Variants in VPS8 observed in about 807,000 individuals in gnomAD.
VPS8 encodes the protein VPS8 subunit of CORVET complex.
A neutral mutation model predicts 216.4 loss-of-function variants in VPS8; 129 were observed. The ratio of observed to expected loss-of-function variants is 0.60; its 90% CI spans 0.52 to 0.69. The LOEUF (loss-of-function observed/expected upper bound fraction) is 0.69. VPS8 is among the 30% of genes least tolerant of loss of function. The probability of loss-of-function intolerance (pLI) is 0.00; values close to 1 mark genes in which losing one functional copy is unlikely to be tolerated. For synonymous variants in VPS8, 571 were observed against 565.4 expected (o/e 1.01, Z -0.14); for missense variants, 1,531 against 1,683.5 (o/e 0.91, Z 1.59).
intron 46 of VPS8, among the ~76,000 whole-genome samples, chr3:185,045,744 G>T (rs1712728723): frequency 1.2e-5 from 1 of 81,798 alleles, no homozygotes; most frequent in Non-Finnish European, 2.8e-5. Context: ...TCCAGCCTGG[G>T]TGACAGAGCA....
At chr3:184,909,417 G>T (rs1272645208) in intron 25 of VPS8, among the ~76,000 whole-genome samples, 1 of 152,148 alleles carries the variant, frequency 6.6e-6, no homozygotes, top group South Asian at 2.1e-4. Context: ...TCTGAGGTCT[G>T]TTTCTCTGGG....
intron 45 of VPS8, among the ~76,000 whole-genome samples, chr3:185,022,910 T>C (rs1756855773): frequency 6.6e-6 from 1 of 152,214 alleles, no homozygotes; most frequent in Non-Finnish European, 1.5e-5. Context: ...ACCTTTCTTA[T>C]TTTCCAATAT....
chr3:184,967,391 G>A (rs1016265171), intron 39 of VPS8, among the ~76,000 whole-genome samples: 5 of 152,098 alleles, frequency 3.3e-5, no homozygotes, highest in African/African-American at 2.4e-5. Context: ...CTAATTAGTA[G>A]GACATTGAAC....
intron 44 of VPS8, among the ~76,000 whole-genome samples, chr3:184,998,035 G>A (rs1455487737): frequency 6.6e-6 from 1 of 152,138 alleles, no homozygotes; most frequent in South Asian, 2.1e-4. Flanking sequence ...TTCTTGAGGA[G>A]TAGTGAGTGA....
At chr3:184,942,969 T>A (rs1743010189) in intron 36 of VPS8, among the ~76,000 whole-genome samples, 1 of 152,158 alleles carries the variant, frequency 6.6e-6, no homozygotes. Context: ...TTTCTTGCTT[T>A]GAGAGTGGTT....
chr3:184,831,889 G>T (rs1720065490), intron 3 of VPS8, among the ~76,000 whole-genome samples: 1 of 151,944 alleles, frequency 6.6e-6, no homozygotes, highest in South Asian at 2.1e-4. Context: ...TCTTCATACT[G>T]CCCCACCTAT....
chr3:184,868,486 G>A (rs1391951458), intron 18 of VPS8, among the ~76,000 whole-genome samples: 1 of 152,150 alleles, frequency 6.6e-6, no homozygotes, highest in African/African-American at 2.4e-5. Context: ...AATAAAGGCT[G>A]TCTCCTACCT....
chr3:184,931,767 A>AT (rs1740726198), intron 34 of VPS8, among the ~76,000 whole-genome samples: 1 of 152,054 alleles, frequency 6.6e-6, no homozygotes, highest in Admixed American at 6.6e-5. Context: ...TCATTCTCTG[A>AT]TTTTGTGTTT....
At chr3:185,044,247 T>A (rs1712344237) in intron 46 of VPS8, among the ~76,000 whole-genome samples, 1 of 152,170 alleles carries the variant, frequency 6.6e-6, no homozygotes, top group African/African-American at 2.4e-5. Context: ...GCCGAGAGAA[T>A]GGCAGACGAA....
chr3:185,034,924 C>T (rs762382062), intron 46 of VPS8, among the ~76,000 whole-genome samples: 39 of 152,144 alleles, frequency 2.6e-4, no homozygotes, highest in South Asian at 6.2e-4. Context: ...ACACCACAAC[C>T]GATCCCACAG....
intron 25 of VPS8, among the ~76,000 whole-genome samples, chr3:184,901,765 C>T (rs1008119315): frequency 6.6e-6 from 1 of 152,076 alleles, no homozygotes; most frequent in Non-Finnish European, 1.5e-5. Context: ...CTGTAAGTTT[C>T]TTTGTGGACA....
chr3:184,904,254 T>TA (rs1212008460), intron 25 of VPS8, among the ~76,000 whole-genome samples: 2 of 152,224 alleles, frequency 1.3e-5, no homozygotes, highest in African/African-American at 4.8e-5. Flanking sequence ...CACCCACTAA[T>TA]ACAGTGTTGA....
intron 15 of VPS8, 67 bp from the exon 16 acceptor site, chr3:184,862,830 T>G: frequency 6.6e-7 from 1 of 1,516,192 alleles, no homozygotes; most frequent in Non-Finnish European, 9.0e-7. Flanking sequence ...AGCCAAGCTT[T>G]CTTCTTGACC....
At chr3:184,892,018 A>T (rs1732439928) in intron 22 of VPS8, among the ~76,000 whole-genome samples, 1 of 152,216 alleles carries the variant, frequency 6.6e-6, no homozygotes, top group African/African-American at 2.4e-5. Flanking sequence ...GAGTACTGTT[A>T]TAAAGTGAAG....
chr3:185,031,069 T>TTTTTTTTTG (rs1758072351), intron 46 of VPS8, among the ~76,000 whole-genome samples: 2 of 140,476 alleles, frequency 1.4e-5, no homozygotes, highest in African/African-American at 5.6e-5. Context: ...TGGCGTTTTT[T>TTTTTTTTTG]TTTTTTTTTT....
intron 45 of VPS8, among the ~76,000 whole-genome samples, chr3:185,003,306 C>G (rs543571784): frequency 1.4e-5 from 2 of 144,628 alleles, no homozygotes; most frequent in Non-Finnish European, 3.0e-5. Flanking sequence ...TGCGGCCTTC[C>G]GCAGTGTTTG....
At chr3:184,981,095 A>G (rs1750126138) in intron 40 of VPS8, among the ~76,000 whole-genome samples, 2 of 152,196 alleles carry the variant, frequency 1.3e-5, no homozygotes, top group Non-Finnish European at 1.5e-5. Flanking sequence ...GCTCAGCACT[A>G]CTGAGCTGCT....
At chr3:184,882,367 C>G (rs565829991) in intron 21 of VPS8, 1 of 454,674 alleles carries the variant, frequency 2.2e-6, no homozygotes, top group East Asian at 7.0e-5. Context: ...CATGGCATAT[C>G]GTAATGATTG....
intron 45 of VPS8, among the ~76,000 whole-genome samples, 188 bp from the exon 46 acceptor site, chr3:185,024,148 A>G (rs538930282): frequency 7.9e-5 from 12 of 152,266 alleles, no homozygotes; most frequent in African/African-American, 2.9e-4. Flanking sequence ...TTGGTTCACT[A>G]CTGATTTTTT....
Sources: allele counts gnomAD v4.1 joint callset (sites outside exome capture counted in the v4.1 genomes callset), GRCh38; gene constraint gnomAD v4.1.1; transcripts MANE v1.5; gene names NCBI Gene and HGNC (gene_info 2026-07-23, HGNC 2026-07-21).